USP24: variants seen among roughly 807,000 people sequenced by gnomAD.
USP24 encodes the protein ubiquitin carboxyl-terminal hydrolase 24.
In USP24, 97 loss-of-function variants were observed where a neutral mutation model predicts 361.6. The ratio of observed to expected loss-of-function variants is 0.27; its 90% CI spans 0.23 to 0.32. The LOEUF (loss-of-function observed/expected upper bound fraction) is 0.32. Among genes scored for constraint, USP24 ranks in the 10% least tolerant of loss-of-function variants. USP24 has a pLI of 1.00. For synonymous variants in USP24, 1,098 were observed against 1,124.6 expected (o/e 0.98, Z 0.47); for missense variants, 2,353 against 3,165.6 (o/e 0.74, Z 6.16).
rs1557647922 is a variant in USP24 at position 55,157,014 on chromosome 1, C to G, written c.1380G>C (p.Lys460Asn). 6.2e-7 allele frequency: 1 copy of G among 1,613,234 alleles called. No individual in the cohort carries two copies. The highest frequency in any genetic ancestry group is 1.7e-5 in the Admixed American group (1 of 59,970). ...TACTACCCAAGAGTTCAATAATTCC[C>G]TTTATACGGTCACAGTATTGTGCTT... ...IDQAQYCDRI[K>N]GIIELLGSKL... Residue 460 changes from lysine to asparagine, a missense_variant, in exon 12 of 68, where the codon AAG (lysine) becomes AAC (asparagine). Lys to Asn is a moderately conservative substitution (Grantham distance 94, BLOSUM62 0). Coordinates refer to ENST00000294383, the MANE Select transcript of USP24 (RefSeq NM_015306.3).
At position 55,121,452 on chromosome 1, in the gene USP24, C is replaced by T. The variant is rs931624471; in HGVS notation, c.4331G>A (p.Gly1444Glu). The change falls in exon 37 of 68, where the codon GGA (glycine) becomes GAA (glutamate). Residue 1444 changes from glycine to glutamate, a missense_variant. Physicochemically the swap from Gly to Glu is moderately conservative, Grantham distance 98. This residue lies in a region of USP24 where 949 missense variants were observed against 1,280.5 expected (regional missense o/e 0.74). Transcript: ENST00000294383. ...VADFIIDILLGSPSAEIRRVA... is the reference protein window; with the variant it reads ...VADFIIDILLESPSAEIRRVA... ...AATCCTTACCTCAGCACTTGGTGAT[C>T]CGAGCAGAATATCAATGATGAAATC... 6.2e-7 allele frequency: 1 copy of T among 1,613,308 alleles called. No individual in the cohort carries two copies. Among genetic ancestry groups the T allele is most frequent in the African/African-American group, 1.3e-5 (1 of 74,842 alleles).
At chr1:55,192,183 T>C (rs75563764) in intron 1 of USP24, among the ~76,000 whole-genome samples, 2,407 of 152,268 alleles carry the variant, frequency 0.016, 54 homozygotes, top group African/African-American at 0.054. Flanking sequence ...CTTATTTTTT[T>C]AAAGAGACAA....
intron 20 of USP24, among the ~76,000 whole-genome samples, chr1:55,144,549 T>G (rs1240583638): frequency 2.0e-5 from 3 of 152,216 alleles, no homozygotes; most frequent in Non-Finnish European, 1.5e-5. Flanking sequence ...CAAAAGATTT[T>G]AAGATTTCTC....
chr1:55,104,068 A>G (rs1269667785), intron 41 of USP24, 48 bp from the exon 42 acceptor site: 3 of 1,542,740 alleles, frequency 1.9e-6, no homozygotes, highest in African/African-American at 1.4e-5. Context: ...TAATCTACTT[A>G]AATTACTCAT....
At chr1:55,155,458 T>G (rs1381368927) in intron 12 of USP24, among the ~76,000 whole-genome samples, 1 of 152,220 alleles carries the variant, frequency 6.6e-6, no homozygotes, top group African/African-American at 2.4e-5. Flanking sequence ...AGTAGGAATA[T>G]ACAATATATA....
At chr1:55,157,464 T>C in intron 10 of USP24, 94 bp from the exon 11 acceptor site, 1 of 701,684 alleles carries the variant, frequency 1.4e-6, no homozygotes, top group Non-Finnish European at 2.2e-6. Flanking sequence ...ACAATGTGCT[T>C]CAATAACTAG....
Position 55,196,445 on chromosome 1 carries a change from G to C in USP24, c.325-18313C>G, listed in dbSNP as rs116121189. ...TACTAAGAATTGACTGTGTTGGGTA[G>C]GGTTGGGTTTTGGTGTGATCCACTG... is the stretch of plus-strand genomic sequence containing the variant. On this transcript the variant is annotated intron_variant, in intron 1 of 67. Coordinates refer to ENST00000294383, the MANE Select transcript of USP24 (RefSeq NM_015306.3). Among the ~76,000 whole-genome samples, 79 of 152,216 alleles carry C rather than the reference G, an allele frequency of 5.2e-4. 1 individual carries two copies. The highest frequency in any genetic ancestry group is 1.8e-3 in the African/African-American group (75 of 41,536).
chr1:55,136,840 G>A (rs751422755), intron 28 of USP24, among the ~76,000 whole-genome samples: 3 of 152,136 alleles, frequency 2.0e-5, no homozygotes, highest in Non-Finnish European at 4.4e-5. Context: ...GTGCCTAGTA[G>A]ACACTTAAGA....
intron 1 of USP24, among the ~76,000 whole-genome samples, chr1:55,182,654 T>A (rs1466545040): frequency 6.6e-6 from 1 of 152,176 alleles, no homozygotes; most frequent in East Asian, 1.9e-4. Flanking sequence ...CTCACTTCTT[T>A]GATATTCCCA....
chr1:55,162,120 G>C, intron 8 of USP24, 79 bp downstream of exon 8: 1 of 1,348,912 alleles, frequency 7.4e-7, no homozygotes, highest in Admixed American at 2.5e-5. Flanking sequence ...AGACCACTCT[G>C]AATAACCTGA....
chr1:55,178,056 C>T lies in USP24; in HGVS notation c.401G>A (p.Arg134His), dbSNP rs1178115959. The change falls in exon 2 of 68, where the codon CGT becomes CAT. Residue 134 changes from arginine to histidine, a missense_variant. This residue lies in a region of USP24 where 253 missense variants were observed against 255.3 expected (regional missense o/e 0.99). Transcript: ENST00000294383. ...PTTNLYELES[R>H]VLTDHWSIPY... Reference sequence around the variant, plus strand: ...GATGGACCAATGATCAGTCAAAACACGGCTTTCCAGTTCATATAAATTTGT... The same window carrying T: ...GATGGACCAATGATCAGTCAAAACATGGCTTTCCAGTTCATATAAATTTGT... 2 of 1,551,596 alleles carry T rather than the reference C, an allele frequency of 1.3e-6. No individual in the cohort carries two copies. Among genetic ancestry groups the T allele is most frequent in the Non-Finnish European group, 1.7e-6 (2 of 1,146,908 alleles).
chr1:55,141,848 G>A, intron 23 of USP24, 117 bp from the exon 24 acceptor site: 1 of 883,962 alleles, frequency 1.1e-6, no homozygotes, highest in Middle Eastern at 2.3e-4. Flanking sequence ...ACTGTAGGAT[G>A]TTTAACAGGA....
intron 1 of USP24, among the ~76,000 whole-genome samples, chr1:55,211,158 G>C (rs1202098078): frequency 6.6e-6 from 1 of 152,232 alleles, no homozygotes; most frequent in African/African-American, 2.4e-5. Flanking sequence ...TGGCAGGCCA[G>C]AGTTTACATT....
chr1:55,158,652 CA>C (rs1011324689), intron 10 of USP24, among the ~76,000 whole-genome samples: 1 of 152,074 alleles, frequency 6.6e-6, no homozygotes, highest in Admixed American at 6.6e-5. Context: ...GGAAATTTCA[CA>C]AAAACAGTAA....
intron 32 of USP24, 102 bp from the exon 33 acceptor site, chr1:55,125,860 T>A: frequency 1.1e-6 from 1 of 917,794 alleles, no homozygotes; most frequent in Non-Finnish European, 1.6e-6. Flanking sequence ...ATTACTTAGT[T>A]TCTACATGAT....
chr1:55,178,720 TA>T (rs1650260120), intron 1 of USP24, among the ~76,000 whole-genome samples: 1 of 86,448 alleles, frequency 1.2e-5, no homozygotes, highest in African/African-American at 5.8e-5. Flanking sequence ...AATAAATAAA[TA>T]AATAAATAAA....
At position 55,120,700 on chromosome 1, in the gene USP24, C is replaced by T. The variant is rs770573671; in HGVS notation, c.4404G>A (p.Ala1468=). ...LYTLSQTDTS[A]HPDVQKPNQF... is the part of the protein sequence containing the mutation. ...GATTTGGCTTCTGCACATCTGGATGCGCTGATGTGTCTGTCTGACTAAGAG... is the reference window on the plus strand; with the variant it reads ...GATTTGGCTTCTGCACATCTGGATGTGCTGATGTGTCTGTCTGACTAAGAG... Residue 1468 remains alanine, a synonymous_variant, in exon 38 of 68, where the codon GCG becomes GCA. Coordinates refer to ENST00000294383, the MANE Select transcript of USP24 (RefSeq NM_015306.3). The T allele has an allele frequency of 6.0e-5, 94 of 1,573,680 alleles. 2 individuals carry two copies. The highest frequency in any genetic ancestry group is 5.0e-4 in the Middle Eastern group (3 of 5,968).
At chr1:55,193,965 C>T (rs1423985926) in intron 1 of USP24, among the ~76,000 whole-genome samples, 1 of 152,140 alleles carries the variant, frequency 6.6e-6, no homozygotes, top group Non-Finnish European at 1.5e-5. Context: ...ATTAAGCATA[C>T]TTGAAAGTAT....
rs1183449501 is a variant in USP24 at position 55,125,658 on chromosome 1, C to T, written c.3731+5G>A. 1.3e-6 allele frequency: 2 copies of T among 1,588,392 alleles called. No homozygotes were observed. The highest frequency in any genetic ancestry group is 1.1e-5 in the South Asian group (1 of 87,046). ...TGGTAAGACTAATGCAATATATTTACATACCTTGCAAGCTGTAGACAGATG... is the reference window on the plus strand; with the variant it reads ...TGGTAAGACTAATGCAATATATTTATATACCTTGCAAGCTGTAGACAGATG... On this transcript the variant is annotated splice_donor_5th_base_variant and intron_variant, in intron 33 of 67. Coordinates refer to ENST00000294383, the MANE Select transcript of USP24 (RefSeq NM_015306.3).
Sources: allele counts gnomAD v4.1 joint callset (sites outside exome capture counted in the v4.1 genomes callset), GRCh38; gene constraint gnomAD v4.1.1; regional missense constraint gnomAD v4.1.1; transcripts MANE v1.5; gene names NCBI Gene and HGNC (gene_info 2026-07-23, HGNC 2026-07-21).